XRN1: variants seen among roughly 807,000 people sequenced by gnomAD.
XRN1 encodes the protein 5'-3' exoribonuclease 1.
In XRN1, 67 loss-of-function variants were observed where a neutral mutation model predicts 222.3. The observed-to-expected ratio is 0.30, with a 90% CI of 0.25 to 0.37. The LOEUF (loss-of-function observed/expected upper bound fraction) is 0.37, where lower values mean the gene tolerates loss of function less well. XRN1 is among the 10% of genes least tolerant of loss of function. The pLI is 1.00. For missense variants in XRN1, 1,707 were observed against 2,000.2 expected (o/e 0.85, Z 2.80); for synonymous variants, 643 against 652.4 (o/e 0.99, Z 0.22).
chr3:142,351,175 A>T (rs1268094266), intron 32 of XRN1, among the ~76,000 whole-genome samples: 2 of 152,200 alleles, frequency 1.3e-5, no homozygotes, highest in Non-Finnish European at 2.9e-5. Flanking sequence ...CTATCTATCT[A>T]TGGAAATGGG....
intron 21 of XRN1, 57 bp from the exon 22 acceptor site, chr3:142,383,470 G>C: frequency 7.0e-7 from 1 of 1,429,970 alleles, no homozygotes; most frequent in Non-Finnish European, 9.7e-7. Flanking sequence ...TGCGTATCAA[G>C]TTTTTTTCCT....
chr3:142,447,887 C>G lies in XRN1; in HGVS notation c.58G>C (p.Val20Leu). The G allele has an allele frequency of 4.3e-6, 7 of 1,613,876 alleles. No homozygotes were observed. The highest frequency in any genetic ancestry group is 5.1e-6 in the Non-Finnish European group (6 of 1,179,946). Residue 20 changes from valine (V) to leucine (L), a missense_variant, in exon 1 of 41, where the codon GTG (valine) becomes CTG (leucine). Physicochemically the swap from Val to Leu is conservative, Grantham distance 32 (BLOSUM62 1). Around this residue, in one of 2 missense-constraint regions of XRN1, gnomAD observed 1,234 missense variants for 1,518.2 expected, o/e 0.81. Transcript: ENST00000392981. The surrounding 1 kb of genome is among the most constrained non-coding windows in gnomAD (Gnocchi z 4.2). ...ISERYPCLSEVVKEHQIPEFD... is the reference protein window; with the variant it reads ...ISERYPCLSELVKEHQIPEFD... ...TCACCCACCTGATGCTCTTTCACCA[C>G]TTCGCTGAGACAGGGATACCGCTCT...
chr3:142,345,216 G>A (rs1158683682), intron 33 of XRN1, among the ~76,000 whole-genome samples: 1 of 152,140 alleles, frequency 6.6e-6, no homozygotes, highest in East Asian at 1.9e-4. Flanking sequence ...TACTACAGAT[G>A]CATGCCTGGC....
chr3:142,418,709 G>A (rs368762305), intron 11 of XRN1, 100 bp from the exon 12 acceptor site: 21 of 1,438,502 alleles, frequency 1.5e-5, no homozygotes, highest in African/African-American at 8.5e-5. Flanking sequence ...ATGCTTATAT[G>A]CTATCACAGA....
intron 1 of XRN1, chr3:142,436,188 T>C (rs993681253): frequency 5.9e-5 from 9 of 152,260 alleles, no homozygotes; most frequent in Admixed American, 1.3e-4. Flanking sequence ...AAATTTCTCA[T>C]TGAAATAACA....
chr3:142,357,570 G>A (rs1015348266), intron 30 of XRN1, among the ~76,000 whole-genome samples: 2 of 152,104 alleles, frequency 1.3e-5, no homozygotes, highest in Non-Finnish European at 2.9e-5. Flanking sequence ...AAGACCACAG[G>A]TGCAAGGCAC....
chr3:142,398,239 C>T (rs1340022676), intron 19 of XRN1, among the ~76,000 whole-genome samples: 1 of 151,868 alleles, frequency 6.6e-6, no homozygotes, highest in Non-Finnish European at 1.5e-5. Context: ...CCTTGTCTCT[C>T]CCAATCAGTC....
In XRN1 at chr3:142,322,126, C is replaced by T. The variant is rs186576059; in HGVS notation, c.4405-3223G>A. On this transcript the variant is annotated intron_variant, in intron 37 of 40. Coordinates refer to ENST00000392981, the MANE Select transcript of XRN1 (RefSeq NM_001282857.2). ...TAAAGAGAATAAAACAACTTTCTTG[C>T]GGTCAGTAGGTCTCAAAGTGCAGTC... is the stretch of plus-strand genomic sequence containing the variant. Among the ~76,000 whole-genome samples, 14 of 152,206 alleles carry T rather than the reference C, an allele frequency of 9.2e-5. No individual in the cohort carries two copies. In the East Asian group the frequency reaches 2.7e-3, roughly 29 times the overall value.
intron 32 of XRN1, among the ~76,000 whole-genome samples, chr3:142,355,008 A>C (rs1425506991): frequency 6.6e-6 from 1 of 151,812 alleles, no homozygotes; most frequent in Non-Finnish European, 1.5e-5. Context: ...CTCACTTATA[A>C]GTGGGAGCTA....
In XRN1 at chr3:142,447,834, C is replaced by T. The variant is rs776754966; in HGVS notation, c.75+36G>A. On this transcript the variant is annotated intron_variant, in intron 1 of 40. Coordinates refer to ENST00000392981, the MANE Select transcript of XRN1 (RefSeq NM_001282857.2). The surrounding 1 kb of genome is among the most constrained non-coding windows in gnomAD (Gnocchi z 4.2). Reference sequence around the variant, plus strand: ...GGAGAGGGCCGCGGAGCCCCGGGTCCTCGGCTTTCTGAGCCGTTGCCCCTC... The same window carrying T: ...GGAGAGGGCCGCGGAGCCCCGGGTCTTCGGCTTTCTGAGCCGTTGCCCCTC... 1 of 1,611,498 alleles carries T rather than the reference C, an allele frequency of 6.2e-7. No homozygotes were observed. Among genetic ancestry groups the T allele is most frequent in the South Asian group, 1.1e-5 (1 of 90,926 alleles).
chr3:142,331,850 C>T (rs2065705938), intron 36 of XRN1, among the ~76,000 whole-genome samples: 1 of 152,162 alleles, frequency 6.6e-6, no homozygotes, highest in African/African-American at 2.4e-5. Flanking sequence ...TCTTGGCTCA[C>T]TGCAACCTCT....
chr3:142,425,600 G>T, intron 3 of XRN1, 62 bp from the exon 4 acceptor site: 1 of 1,362,568 alleles, frequency 7.3e-7, no homozygotes, highest in Non-Finnish European at 1.0e-6. Context: ...AGTTCTCAGT[G>T]ACAACACATA....
At chr3:142,335,406 TA>T (rs1364496554) in intron 34 of XRN1, 41 bp downstream of exon 34, 1 of 1,578,320 alleles carries the variant, frequency 6.3e-7, no homozygotes, top group South Asian at 1.1e-5. Context: ...CCAATTGCAT[TA>T]AAAAATTGGT....
intron 33 of XRN1, among the ~76,000 whole-genome samples, chr3:142,337,385 C>T (rs2107940222): frequency 6.6e-6 from 1 of 152,296 alleles, no homozygotes; most frequent in South Asian, 2.1e-4. Flanking sequence ...GTGTAAACTC[C>T]ATTATACTCT....
chr3:142,372,272 A>C lies in XRN1; in HGVS notation c.2979-944T>G, dbSNP rs139393073. 1.0e-3 allele frequency among the ~76,000 whole-genome samples: 153 copies of C among 152,328 alleles called. 1 individual carries two copies. The highest frequency in any genetic ancestry group is 3.5e-3 in the African/African-American group (144 of 41,574). ...AGAGGACAGGTGTTATACTGAAAAC[A>C]GTGAATTAATGAAAGCATAAATACT... On this transcript the variant is annotated intron_variant, in intron 25 of 40. Transcript: ENST00000392981.
At chr3:142,384,061 G>C (rs988311169) in intron 21 of XRN1, among the ~76,000 whole-genome samples, 1 of 151,986 alleles carries the variant, frequency 6.6e-6, no homozygotes, top group African/African-American at 2.4e-5. Flanking sequence ...ACGAGGTCAG[G>C]AGATTGAGAC....
At position 142,405,001 on chromosome 3, in the gene XRN1, C is replaced by T; in HGVS notation, c.1789G>A (p.Glu597Lys). Residue 597 changes from glutamate to lysine, a missense_variant, in exon 16 of 41, where the codon GAG becomes AAG. Physicochemically the swap from Glu to Lys is moderately conservative, Grantham distance 56. This residue lies in a region of XRN1 where 1,234 missense variants were observed against 1,518.2 expected (regional missense o/e 0.81). Transcript: ENST00000392981. ...CTATCATACCAGCACATTAGGCACTCACTATGTTGGTTTCTTTTCCTCTCT... is the reference window on the plus strand; with the variant it reads ...CTATCATACCAGCACATTAGGCACTTACTATGTTGGTTTCTTTTCCTCTCT... ...KEERKRNQHSECLMCWYDRDT... is the reference protein window; with the variant it reads ...KEERKRNQHSKCLMCWYDRDT... 6.2e-7 allele frequency: 1 copy of T among 1,613,878 alleles called. No individual in the cohort carries two copies. Among genetic ancestry groups the T allele is most frequent in the Non-Finnish European group, 8.5e-7 (1 of 1,179,820 alleles).
intron 1 of XRN1, among the ~76,000 whole-genome samples, chr3:142,440,120 G>T (rs185284442): frequency 1.4e-3 from 208 of 152,258 alleles, no homozygotes; most frequent in African/African-American, 4.9e-3. Flanking sequence ...CTGAGGGCCA[G>T]GAGGTTAACT....
Position 142,307,657 on chromosome 3 carries a change from A to G in XRN1, c.*3854T>C, listed in dbSNP as rs1043609423. 2 of 152,200 alleles carry G rather than the reference A, an allele frequency of 1.3e-5. No individual in the cohort carries two copies. The highest frequency in any genetic ancestry group is 2.9e-5 in the Non-Finnish European group (2 of 68,020). The allele number at this position is 152,200 out of a possible 1,614,324, so 9.4% of individuals were successfully genotyped here. A position where few individuals can be genotyped will look rare whatever the true frequency, so the allele number is the denominator to read the frequency against. On this transcript the variant is annotated 3_prime_UTR_variant, in exon 41 of 41. Coordinates refer to ENST00000392981, the MANE Select transcript of XRN1 (RefSeq NM_001282857.2). ...TTTCTGGAGACTTGATGCTGGTTCA[A>G]CACTATCTCTTACTGTATTGGAGAA...
Sources: gnomAD v4.1 joint callset for allele counts (sites outside exome capture counted in the v4.1 genomes callset) on GRCh38, gnomAD v4.1.1 for gene constraint, gnomAD v4.1.1 regional missense constraint, Gnocchi (gnomAD v3.1) non-coding constraint, MANE v1.5 for transcripts, NCBI Gene and HGNC (gene_info 2026-07-23, HGNC 2026-07-21) for gene names.